CPEB1: variants seen among roughly 807,000 people sequenced by gnomAD.
The protein encoded by CPEB1 is cytoplasmic polyadenylation element binding protein 1.
A neutral mutation model predicts 65.8 loss-of-function variants in CPEB1; 7 were observed. The ratio of observed to expected loss-of-function variants is 0.11; its 90% CI spans 0.06 to 0.20. The LOEUF (loss-of-function observed/expected upper bound fraction) is 0.20. Among genes scored for constraint, CPEB1 ranks in the 10% least tolerant of loss-of-function variants. The pLI is 1.00. For synonymous variants in CPEB1, 262 were observed against 260.0 expected (o/e 1.01, Z -0.08); for missense variants, 551 against 712.2 (o/e 0.77, Z 2.58).
intron 8 of CPEB1, 24 bp from the exon 9 acceptor site, chr15:82,552,640 C>T (rs117172003): frequency 4.3e-6 from 7 of 1,613,266 alleles, no homozygotes; most frequent in Admixed American, 3.3e-5. Flanking sequence ...GAGGAAAAAT[C>T]GCATTAATAT....
At chr15:82,578,614 G>A (rs535671261) in intron 3 of CPEB1, among the ~76,000 whole-genome samples, 95 of 152,064 alleles carry the variant, frequency 6.2e-4, no homozygotes, top group African/African-American at 2.2e-3. Context: ...AAAATTAGCC[G>A]GGTGTGGTGG....
At chr15:82,600,395 C>T (rs1405273377) in intron 3 of CPEB1, among the ~76,000 whole-genome samples, 2 of 151,786 alleles carry the variant, frequency 1.3e-5, no homozygotes, top group Non-Finnish European at 2.9e-5. Context: ...TCATCTTTAA[C>T]ATTAAATATG....
At chr15:82,635,010 C>T (rs897531752) in intron 1 of CPEB1, among the ~76,000 whole-genome samples, 3 of 152,122 alleles carry the variant, frequency 2.0e-5, no homozygotes, top group Admixed American at 6.6e-5. Context: ...TGTGTCACCA[C>T]ACCCAGCTAA....
intron 11 of CPEB1, 90 bp downstream of exon 11, chr15:82,547,053 A>T: frequency 1.2e-6 from 1 of 833,738 alleles, no homozygotes; most frequent in Non-Finnish European, 2.0e-6. Context: ...CCCAGCACAA[A>T]CAGCTTCAGG....
At chr15:82,605,805 G>C (rs574566976) in intron 3 of CPEB1, among the ~76,000 whole-genome samples, 1 of 152,126 alleles carries the variant, frequency 6.6e-6, no homozygotes, top group African/African-American at 2.4e-5. Context: ...TTGGGAGGCT[G>C]AGGTGGGCGG....
chr15:82,631,968 A>C (rs1300690066), intron 1 of CPEB1, among the ~76,000 whole-genome samples: 30 of 139,530 alleles, frequency 2.2e-4, no homozygotes, highest in Non-Finnish European at 6.1e-5. Flanking sequence ...CACAGAATTC[A>C]TTTATTTTTT....
intron 3 of CPEB1, among the ~76,000 whole-genome samples, chr15:82,609,767 TA>T (rs897712482): frequency 6.6e-6 from 1 of 151,628 alleles, no homozygotes; most frequent in Non-Finnish European, 1.5e-5. Context: ...AAAAAGAATA[TA>T]AATTACTATG....
intron 1 of CPEB1, among the ~76,000 whole-genome samples, chr15:82,645,995 C>A (rs1406792701): frequency 6.6e-6 from 1 of 152,068 alleles, no homozygotes; most frequent in African/African-American, 2.4e-5. Flanking sequence ...GTGATGAGTC[C>A]CCAAAACACC....
At chr15:82,579,782 G>A (rs907431854) in intron 3 of CPEB1, among the ~76,000 whole-genome samples, 1 of 150,796 alleles carries the variant, frequency 6.6e-6, no homozygotes, top group African/African-American at 2.4e-5. Context: ...CGCAGTGGCG[G>A]GTGCCTGTAG....
intron 3 of CPEB1, chr15:82,571,748 C>T: frequency 2.2e-6 from 3 of 1,390,810 alleles, no homozygotes; most frequent in Non-Finnish European, 2.8e-6. Flanking sequence ...ACACCCCTAT[C>T]CCGTCTGCAT....
chr15:82,594,406 C>T (rs1359984913), intron 3 of CPEB1, among the ~76,000 whole-genome samples: 1 of 150,752 alleles, frequency 6.6e-6, no homozygotes, highest in Non-Finnish European at 1.5e-5. Flanking sequence ...CCTCATGAAC[C>T]AACCTCTGCT....
upstream of CPEB1, chr15:82,647,797 C>G (rs1322828388): frequency 7.9e-7 from 1 of 1,268,490 alleles, no homozygotes; most frequent in African/African-American, 1.6e-5. Flanking sequence ...TGCGCGCGGA[C>G]CGTTAGCTAC....
chr15:82,629,447 C>G, intron 1 of CPEB1: 1 of 966,356 alleles, frequency 1.0e-6, no homozygotes, highest in Non-Finnish European at 1.2e-6. Context: ...AAAAAGAACT[C>G]CTATATATAT....
chr15:82,626,342 G>A (rs950864913), intron 3 of CPEB1, among the ~76,000 whole-genome samples: 1 of 152,012 alleles, frequency 6.6e-6, no homozygotes, highest in African/African-American at 2.4e-5. Flanking sequence ...GCTGAGGCAG[G>A]ATAACCGCTT....
At chr15:82,553,816 C>G in intron 7 of CPEB1, 62 bp downstream of exon 7, 1 of 1,213,130 alleles carries the variant, frequency 8.2e-7, no homozygotes. Context: ...TTCCAAGTTT[C>G]ATGCTCCTGA....
chr15:82,570,434 A>G (rs892112554), intron 4 of CPEB1, among the ~76,000 whole-genome samples: 1 of 144,944 alleles, frequency 6.9e-6, no homozygotes, highest in Admixed American at 7.3e-5. Context: ...TGCTGCCAAT[A>G]CCTCTTTATT....
At chr15:82,629,140 C>T (rs569933474) in intron 1 of CPEB1, 5 of 377,346 alleles carry the variant, frequency 1.3e-5, no homozygotes, top group African/African-American at 2.2e-5. Context: ...AATTTTCATT[C>T]TGCCATTTAT....
chr15:82,611,775 A>C (rs1179613658), intron 3 of CPEB1, among the ~76,000 whole-genome samples: 1 of 152,086 alleles, frequency 6.6e-6, no homozygotes. Context: ...GTTTAAAAAA[A>C]ACACACAGTA....
At chr15:82,590,387 T>C (rs1219122116) in intron 3 of CPEB1, among the ~76,000 whole-genome samples, 1 of 152,168 alleles carries the variant, frequency 6.6e-6, no homozygotes, top group East Asian at 1.9e-4. Context: ...AATTCTGCAA[T>C]TGTTACAATT....
Sources: gnomAD v4.1 joint callset for allele counts (sites outside exome capture counted in the v4.1 genomes callset) on GRCh38, gnomAD v4.1.1 for gene constraint, MANE v1.5 for transcripts, NCBI Gene and HGNC (gene_info 2026-07-23, HGNC 2026-07-21) for gene names.